The following PLEKHM2 variants were observed in gnomAD, a reference collection of about 807,000 sequenced individuals.
PLEKHM2 encodes the protein pleckstrin homology and RUN domain containing M2, also known as pleckstrin homology domain-containing family M member 2.
A neutral mutation model predicts 116.3 loss-of-function variants in PLEKHM2; 77 were observed. The observed-to-expected ratio is 0.66, with a 90% CI of 0.55 to 0.80. PLEKHM2 has a LOEUF of 0.80. PLEKHM2 is among the 30% of genes least tolerant of loss of function. The pLI is 0.00. For missense variants in PLEKHM2, 1,183 were observed against 1,354.9 expected, an observed-to-expected ratio of 0.87 and a Z score of 1.99; for synonymous variants, 562 against 571.0, an observed-to-expected ratio of 0.98 and a Z score of 0.22.
At chr1:15,714,911 C>T (rs1641413291) in intron 1 of PLEKHM2, among the ~76,000 whole-genome samples, 3 of 152,198 alleles carry the variant, frequency 2.0e-5, no homozygotes, top group South Asian at 2.1e-4. Context: ...TCTGTAACTG[C>T]GGTTGCAGTG....
intron 7 of PLEKHM2, among the ~76,000 whole-genome samples, 152 bp from the exon 8 acceptor site, chr1:15,725,165 T>C (rs1032466366): frequency 6.6e-6 from 1 of 152,158 alleles, no homozygotes; most frequent in East Asian, 1.9e-4. Context: ...TCCTGTTAGG[T>C]TGTGGCTTCT....
chr1:15,725,590 A>C, intron 8 of PLEKHM2, 45 bp downstream of exon 8: 1 of 1,362,614 alleles, frequency 7.3e-7, no homozygotes, highest in Non-Finnish European at 1.0e-6. Flanking sequence ...CCTGGGGTCC[A>C]ACCTGTCCAC....
intron 14 of PLEKHM2, among the ~76,000 whole-genome samples, chr1:15,730,179 G>A (rs143985490): frequency 0.016 from 2,494 of 152,310 alleles, 31 homozygotes; most frequent in Non-Finnish European, 0.027. Context: ...AGTGGCTCAC[G>A]CCTGTAATCC....
chr1:15,718,032 C>A, intron 4 of PLEKHM2, 40 bp downstream of exon 4: 3 of 1,305,912 alleles, frequency 2.3e-6, no homozygotes, highest in Non-Finnish European at 3.3e-6. Context: ...AGCCTCAGAG[C>A]TCCCTTTCAG....
intron 19 of PLEKHM2, among the ~76,000 whole-genome samples, chr1:15,733,480 G>A (rs1299702832): frequency 2.0e-5 from 3 of 152,260 alleles, no homozygotes; most frequent in Non-Finnish European, 4.4e-5. Flanking sequence ...GCCTGGACTA[G>A]TTAGAGGCAG....
chr1:15,697,586 GCACAGAAAAATGAAATC>G (rs1160897787), intron 1 of PLEKHM2, among the ~76,000 whole-genome samples: 2 of 152,194 alleles, frequency 1.3e-5, no homozygotes, highest in South Asian at 2.1e-4. Context: ...CACAAAGAAA[GCACAGAAAAATGAAATC>G]CACAGAAAAA....
chr1:15,725,433 G>T lies in PLEKHM2; in HGVS notation c.829G>T (p.Ala277Ser). Residue 277 changes from alanine to serine, a missense_variant, in exon 8 of 20, where the codon GCA (alanine) becomes TCA (serine). Ala to Ser is a moderately conservative substitution (Grantham distance 99). Transcript: ENST00000375799. Reference protein sequence around the residue: ...QRQNPFNEEPAETVSSSDTTP... With the variant: ...QRQNPFNEEPSETVSSSDTTP... ...CCAGAACCCCTTCAACGAGGAGCCG[G>T]CAGAGACTGTGTCCTCCTCTGACAC... 6.4e-7 allele frequency: 1 copy of T among 1,562,508 alleles called. No individual in the cohort carries two copies. The highest frequency in any genetic ancestry group is 1.4e-5 in the African/African-American group (1 of 73,420).
In PLEKHM2 at chr1:15,684,377, G is replaced by A. The variant is rs1467098703; in HGVS notation, c.-182G>A. On this transcript the variant is annotated 5_prime_UTR_variant, in exon 1 of 20. Coordinates refer to ENST00000375799, the MANE Select transcript of PLEKHM2 (RefSeq NM_015164.4). ...CGCTCCGGAGCCTCCGGGCCGCGGT[G>A]GAGCGAGGGCCCAGGCGAGGCGAGG... The A allele has an allele frequency of 2.9e-5, 5 of 171,900 alleles. No individual in the cohort carries two copies. Among genetic ancestry groups the A allele is most frequent in the Non-Finnish European group, 5.6e-5 (5 of 89,078 alleles). The allele number at this position is 171,900 out of a possible 1,614,324, so 10.6% of individuals were successfully genotyped here. A position where few individuals can be genotyped will look rare whatever the true frequency, so the allele number is the denominator to read the frequency against.
At position 15,732,023 on chromosome 1, in the gene PLEKHM2, A is replaced by C; in HGVS notation, c.2600A>C (p.His867Pro). 1 of 1,612,218 alleles carries C rather than the reference A, an allele frequency of 6.2e-7. No homozygotes were observed. Among genetic ancestry groups the C allele is most frequent in the Non-Finnish European group, 8.5e-7 (1 of 1,179,622 alleles). Reference sequence around the variant, plus strand: ...GCCGAGATGGCCGAGTGGATGCAGCATCTCTGCCAGGCTGTGTCCAAAGGG... The same window carrying C: ...GCCGAGATGGCCGAGTGGATGCAGCCTCTCTGCCAGGCTGTGTCCAAAGGG... ...SEAEMAEWMQ[H>P]LCQAVSKGVI... is the part of the protein sequence containing the mutation. Residue 867 changes from histidine (H) to proline (P), a missense_variant, in exon 17 of 20, where the codon CAT (histidine) becomes CCT (proline). His to Pro is a moderately conservative substitution (Grantham distance 77, BLOSUM62 -2). This residue lies in a region of PLEKHM2 where 594 missense variants were observed against 720.1 expected (regional missense o/e 0.82). Transcript: ENST00000375799.
At chr1:15,710,095 C>T (rs10927837) in intron 1 of PLEKHM2, among the ~76,000 whole-genome samples, 4,581 of 151,182 alleles carry the variant, frequency 0.03, 235 homozygotes, top group African/African-American at 0.1. Context: ...GGCATGGTGG[C>T]GGGCGCCTGT....
chr1:15,713,781 G>A (rs962340467), intron 1 of PLEKHM2, among the ~76,000 whole-genome samples: 43 of 151,676 alleles, frequency 2.8e-4, no homozygotes, highest in Admixed American at 2.0e-4. Context: ...GACTACAGGC[G>A]CCTGCCACTA....
chr1:15,687,623 T>G (rs1297043614), intron 1 of PLEKHM2, among the ~76,000 whole-genome samples: 2 of 152,248 alleles, frequency 1.3e-5, no homozygotes, highest in Non-Finnish European at 2.9e-5. Context: ...TTGTTCTTGG[T>G]AGCCACTTCC....
Position 15,730,628 on chromosome 1 carries a change from G to A in PLEKHM2, c.2305G>A (p.Glu769Lys), listed in dbSNP as rs373699252. The A allele has an allele frequency of 1.4e-5, 23 of 1,608,528 alleles. No individual in the cohort carries two copies. Among genetic ancestry groups the A allele is most frequent in the African/African-American group, 2.7e-5 (2 of 74,768 alleles). ...GPTPCHCSPP[E>K]GTITKEGMLH... ...CACGCCCTGCCACTGCTCACCCCCC[G>A]AGGGCACCATCACCAAAGAAGGCAT... Residue 769 changes from glutamate (E) to lysine (K), a missense_variant, in exon 15 of 20, where the codon GAG becomes AAG. By Grantham distance (56) the Glu-to-Lys change is moderately conservative (BLOSUM62 1). Coordinates refer to ENST00000375799, the MANE Select transcript of PLEKHM2 (RefSeq NM_015164.4).
intron 1 of PLEKHM2, among the ~76,000 whole-genome samples, chr1:15,694,533 G>C (rs562527335): frequency 6.6e-6 from 1 of 152,020 alleles, no homozygotes; most frequent in Non-Finnish European, 1.5e-5. Context: ...TATCCTCCTT[G>C]GTGTTGCTCA....
intron 3 of PLEKHM2, among the ~76,000 whole-genome samples, chr1:15,717,281 G>T (rs1641465213): frequency 6.6e-6 from 1 of 152,116 alleles, no homozygotes; most frequent in Admixed American, 6.5e-5. Flanking sequence ...GGGCACAGTG[G>T]CTCATGCCTG....
At chr1:15,730,196 T>A (rs1278072755) in intron 14 of PLEKHM2, among the ~76,000 whole-genome samples, 4 of 152,178 alleles carry the variant, frequency 2.6e-5, no homozygotes, top group African/African-American at 9.7e-5. Flanking sequence ...ATCCCAGCAC[T>A]TTGGGAGGCC....
chr1:15,717,896 G>A lies in PLEKHM2; in HGVS notation c.281G>A (p.Arg94His), dbSNP rs753580481. Reference protein sequence around the residue: ...QHVATNLGRSRAWLYLALNEN... With the variant: ...QHVATNLGRSHAWLYLALNEN... Reference sequence around the variant, plus strand: ...TTACTCCTGCCTTTGTTTGCAGGCCGTGCCTGGCTGTACCTGGCCCTCAAC... The same window carrying A: ...TTACTCCTGCCTTTGTTTGCAGGCCATGCCTGGCTGTACCTGGCCCTCAAC... Residue 94 changes from arginine (R) to histidine (H), a missense_variant, in exon 4 of 20, where the codon CGT (arginine) becomes CAT (histidine). By Grantham distance (29) the Arg-to-His change is conservative (BLOSUM62 0). This residue lies in a region of PLEKHM2 where 217 missense variants were observed against 277.6 expected (regional missense o/e 0.78). Coordinates refer to ENST00000375799, the MANE Select transcript of PLEKHM2 (RefSeq NM_015164.4). 3.1e-6 allele frequency: 5 copies of A among 1,587,630 alleles called. No individual in the cohort carries two copies. Among genetic ancestry groups the A allele is most frequent in the South Asian group, 1.1e-5 (1 of 87,330 alleles).
In PLEKHM2 at chr1:15,727,955, C is replaced by A; in HGVS notation, c.1760+123C>A. The A allele has an allele frequency of 8.4e-7, 1 of 1,189,610 alleles. No homozygotes were observed. The highest frequency in any genetic ancestry group is 1.2e-6 in the Non-Finnish European group (1 of 823,632). The allele number at this position is 1,189,610 out of a possible 1,614,324, so 73.7% of individuals were successfully genotyped here. A position where few individuals can be genotyped will look rare whatever the true frequency, so the allele number is the denominator to read the frequency against. The stretch of plus-strand genomic sequence containing the variant: ...TAGCCTGAGTGAGAAGGGGTGTGAG[C>A]CTCCCTCCCTAACTTTGGCTCCTAG... On this transcript the variant is annotated intron_variant, in intron 9 of 19. Transcript: ENST00000375799. The surrounding 1 kb of genome is among the most constrained non-coding windows in gnomAD (Gnocchi z 7.5).
Position 15,699,383 on chromosome 1 carries a change from C to T in PLEKHM2, c.60+14765C>T, listed in dbSNP as rs572392822. On this transcript the variant is annotated intron_variant, in intron 1 of 19. Coordinates refer to ENST00000375799, the MANE Select transcript of PLEKHM2 (RefSeq NM_015164.4). ...ATGGGCCCCAGTGTGTGATGTTCCC[C>T]GCCCCGTGTCCAAGTGTTCTCATTG... 2.2e-3 allele frequency among the ~76,000 whole-genome samples: 341 copies of T among 152,182 alleles called. 1 individual carries two copies. Among genetic ancestry groups the T allele is most frequent in the African/African-American group, 7.4e-3 (309 of 41,506 alleles).
Sources: allele counts gnomAD v4.1 joint callset (sites outside exome capture counted in the v4.1 genomes callset), GRCh38; gene constraint gnomAD v4.1.1; regional missense constraint gnomAD v4.1.1; non-coding constraint Gnocchi (gnomAD v3.1); transcripts MANE v1.5; gene names NCBI Gene and HGNC (gene_info 2026-07-23, HGNC 2026-07-21).